TAF1: variants seen among roughly 807,000 people sequenced by gnomAD.
TAF1 encodes the protein TATA-box binding protein associated factor 1.
Under a neutral mutation model 138.5 loss-of-function variants are expected in TAF1, and 2 were observed. The observed-to-expected ratio is 0.01, with a 90% CI of 0.01 to 0.05. The LOEUF is 0.05. TAF1 is among the 10% of genes least tolerant of loss of function. The probability of loss-of-function intolerance (pLI) is 1.00; values close to 1 mark genes in which losing one functional copy is unlikely to be tolerated. For synonymous variants in TAF1, 437 were observed against 503.2 expected (o/e 0.87, Z 1.76); for missense variants, 709 against 1,478.0 (o/e 0.48, Z 8.53).
chrX:71,413,376 C>A (rs369126144), intron 28 of TAF1, among the ~76,000 whole-genome samples: 15 of 111,812 alleles, frequency 1.3e-4, no homozygotes, highest in African/African-American at 4.5e-4. Context: ...TTCCTTCTAA[C>A]CATCCTAGTG....
At chrX:71,382,262 G>T (rs1049542633) in intron 9 of TAF1, among the ~76,000 whole-genome samples, 1 of 111,421 alleles carries the variant, frequency 9.0e-6, no homozygotes, top group African/African-American at 3.3e-5. Flanking sequence ...ACTCATGTAG[G>T]ACTGTCGGAA....
intron 13 of TAF1, among the ~76,000 whole-genome samples, chrX:71,478,595 T>C (rs2039019862): frequency 9.0e-6 from 1 of 111,378 alleles, no homozygotes; most frequent in South Asian, 3.8e-4. Context: ...ACCTGTAATC[T>C]CAGCATCCCA....
At chrX:71,506,266 C>T (rs2039623580) in intron 13 of TAF1, among the ~76,000 whole-genome samples, 2 of 107,775 alleles carry the variant, frequency 1.9e-5, no homozygotes, top group Non-Finnish European at 3.8e-5. Context: ...TGGTGCATGC[C>T]TGTAGTCCCA....
chrX:71,440,099 G>GCCCA (rs1439621736), intron 32 of TAF1, among the ~76,000 whole-genome samples: 2 of 110,998 alleles, frequency 1.8e-5, no homozygotes, highest in Non-Finnish European at 3.8e-5. Context: ...ACACACACAT[G>GCCCA]CCCACCACCA....
intron 32 of TAF1, among the ~76,000 whole-genome samples, chrX:71,445,866 A>C (rs762405896): frequency 1.5e-4 from 17 of 110,930 alleles, no homozygotes; most frequent in African/African-American, 5.2e-4. Flanking sequence ...TCCTATTGAT[A>C]GGCATTTAAA....
At chrX:71,367,997 A>G (rs1478135590) in intron 2 of TAF1, 57 bp from the exon 3 acceptor site, 1 of 1,111,977 alleles carries the variant, frequency 9.0e-7, no homozygotes, top group Non-Finnish European at 1.2e-6. Flanking sequence ...AATGGGAATT[A>G]TCTGAGGGAG....
chrX:71,445,201 G>A (rs1339972751), intron 32 of TAF1, among the ~76,000 whole-genome samples: 1 of 107,755 alleles, frequency 9.3e-6, no homozygotes, highest in African/African-American at 3.4e-5. Flanking sequence ...TCAGGAGGCT[G>A]AGGCACGAGA....
intron 13 of TAF1, among the ~76,000 whole-genome samples, chrX:71,502,252 T>A (rs1322600568): frequency 9.0e-6 from 1 of 111,293 alleles, no homozygotes; most frequent in Non-Finnish European, 1.9e-5. Context: ...TTTTACAGAG[T>A]GCTGATTGGC....
At chrX:71,382,446 G>T in intron 9 of TAF1, 90 bp from the exon 10 acceptor site, 3 of 1,124,477 alleles carry the variant, frequency 2.7e-6, no homozygotes, top group Non-Finnish European at 3.5e-6. Context: ...TGGAACATCC[G>T]TCACCTTAAA....
intron 29 of TAF1, among the ~76,000 whole-genome samples, chrX:71,422,828 C>T (rs1016861859): frequency 4.5e-5 from 5 of 111,408 alleles, no homozygotes; most frequent in Non-Finnish European, 9.4e-5. Flanking sequence ...CAAGCTCCAC[C>T]TCCCAGATTC....
intron 32 of TAF1, among the ~76,000 whole-genome samples, chrX:71,431,744 G>C (rs2036897287): frequency 9.1e-6 from 1 of 110,052 alleles, no homozygotes; most frequent in Non-Finnish European, 1.9e-5. Flanking sequence ...GTGAAACGCT[G>C]CCTCTATTAA....
chrX:71,427,614 GAATA>G (rs1421012448), intron 32 of TAF1, among the ~76,000 whole-genome samples: 1 of 111,796 alleles, frequency 8.9e-6, no homozygotes. Context: ...TAACAAACAT[GAATA>G]AATATTCTGT....
At chrX:71,435,222 GAT>G (rs1164611485) in intron 32 of TAF1, among the ~76,000 whole-genome samples, 1 of 111,980 alleles carries the variant, frequency 8.9e-6, no homozygotes, top group Non-Finnish European at 1.9e-5. Context: ...CCACAATCTA[GAT>G]ATAAATTTAC....
At chrX:71,480,314 G>A (rs948157013) in intron 13 of TAF1, among the ~76,000 whole-genome samples, 1 of 111,450 alleles carries the variant, frequency 9.0e-6, no homozygotes, top group African/African-American at 3.3e-5. Context: ...AGGATCCCTT[G>A]AGCCCAGGAG....
chrX:71,389,977 C>G (rs911900213), intron 18 of TAF1, among the ~76,000 whole-genome samples: 2 of 110,675 alleles, frequency 1.8e-5, no homozygotes, highest in Non-Finnish European at 3.8e-5. Context: ...GCAATTCTCG[C>G]GATTCTCCTG....
intron 37 of TAF1, among the ~76,000 whole-genome samples, chrX:71,463,037 T>C (rs750411882): frequency 6.3e-5 from 7 of 111,938 alleles, no homozygotes; most frequent in African/African-American, 1.9e-4. Context: ...ATAGACGTTA[T>C]GTTTATTGAC....
intron 25 of TAF1, among the ~76,000 whole-genome samples, chrX:71,402,252 C>A (rs1032465531): frequency 9.0e-6 from 1 of 111,633 alleles, no homozygotes; most frequent in Admixed American, 9.6e-5. Context: ...GGATTACAGG[C>A]GCACGCCACC....
At chrX:71,485,363 G>A (rs904767022) in intron 13 of TAF1, among the ~76,000 whole-genome samples, 3 of 111,912 alleles carry the variant, frequency 2.7e-5, no homozygotes, top group Non-Finnish European at 5.6e-5. Context: ...GAATTACGGA[G>A]TCATATTGTA....
chrX:71,403,032 C>T (rs1250519461), intron 25 of TAF1, among the ~76,000 whole-genome samples: 2 of 109,313 alleles, frequency 1.8e-5, no homozygotes, highest in Non-Finnish European at 3.8e-5. Flanking sequence ...CTTTTCTTTT[C>T]TTTCTTTTTT....
Sources: allele counts gnomAD v4.1 joint callset (sites outside exome capture counted in the v4.1 genomes callset), GRCh38; gene constraint gnomAD v4.1.1; transcripts MANE v1.5; gene names NCBI Gene and HGNC (gene_info 2026-07-23, HGNC 2026-07-21).